GTF2IRD1: variants seen among roughly 807,000 people sequenced by gnomAD.
The protein encoded by GTF2IRD1 is general transcription factor II-I repeat domain-containing protein 1.
A neutral mutation model predicts 113.2 loss-of-function variants in GTF2IRD1; 26 were observed. The ratio of observed to expected loss-of-function variants is 0.23; its 90% confidence interval spans 0.17 to 0.32. The LOEUF is 0.32. Ranked by LOEUF, GTF2IRD1 falls within the 10% of genes least tolerant of loss-of-function variation. The probability of loss-of-function intolerance (pLI) is 1.00; values close to 1 mark genes in which losing one functional copy is unlikely to be tolerated. For synonymous variants in GTF2IRD1, 484 were observed against 529.1 expected (o/e 0.91, Z 1.17); for missense variants, 864 against 1,280.8 (o/e 0.67, Z 4.97).
intron 17 of GTF2IRD1, among the ~76,000 whole-genome samples, chr7:74,550,633 C>T (rs1421900713): frequency 5.9e-5 from 9 of 151,588 alleles, no homozygotes; most frequent in Non-Finnish European, 8.8e-5. Flanking sequence ...TCCGTCCAGG[C>T]GTGATGGCTC....
At chr7:74,514,702 C>A (rs1796824960) in intron 3 of GTF2IRD1, among the ~76,000 whole-genome samples, 1 of 151,900 alleles carries the variant, frequency 6.6e-6, no homozygotes, top group South Asian at 2.1e-4. Context: ...TGCCTCCCAA[C>A]CCTCTGCCGG....
At chr7:74,535,266 T>C (rs2130529844) in intron 10 of GTF2IRD1, 128 bp downstream of exon 10, 1 of 759,972 alleles carries the variant, frequency 1.3e-6, no homozygotes, top group East Asian at 2.5e-5. Context: ...GGCTGGGCTG[T>C]GGTTTCTGTG....
chr7:74,549,667 G>A (rs1799175552), intron 17 of GTF2IRD1, among the ~76,000 whole-genome samples: 2 of 152,220 alleles, frequency 1.3e-5, no homozygotes, highest in Non-Finnish European at 1.5e-5. Flanking sequence ...GCCAGGCATG[G>A]TGGCTCATGC....
At chr7:74,589,316 A>G (rs1801913312) in intron 22 of GTF2IRD1, among the ~76,000 whole-genome samples, 1 of 151,994 alleles carries the variant, frequency 6.6e-6, no homozygotes, top group Admixed American at 6.6e-5. Flanking sequence ...TCTATGATCC[A>G]CTGCTGCCTT....
Position 74,578,376 on chromosome 7 carries a change from C to A in GTF2IRD1, c.2321-11475C>A, listed in dbSNP as rs183991141. Among the ~76,000 whole-genome samples, 93 of 152,124 alleles carry A rather than the reference C, an allele frequency of 6.1e-4. 2 individuals are homozygous for A. The East Asian group carries it at 0.011, about 19-fold the overall frequency. On this transcript the variant is annotated intron_variant, in intron 22 of 26. Transcript: ENST00000424337. Reference sequence around the variant, plus strand: ...AATTTTTTGTAGAGACGGGGTTTCACTGTGTTAGCCAGGATGGTCTCCATC... The same window carrying A: ...AATTTTTTGTAGAGACGGGGTTTCAATGTGTTAGCCAGGATGGTCTCCATC...
At chr7:74,510,018 C>T (rs909342437) in intron 2 of GTF2IRD1, among the ~76,000 whole-genome samples, 9 of 152,032 alleles carry the variant, frequency 5.9e-5, no homozygotes, top group Non-Finnish European at 1.0e-4. Context: ...TACAAAGTCT[C>T]CCCGAAAAAT....
At chr7:74,510,050 TC>T (rs1410668790) in intron 2 of GTF2IRD1, among the ~76,000 whole-genome samples, 4 of 152,122 alleles carry the variant, frequency 2.6e-5, no homozygotes, top group Non-Finnish European at 5.9e-5. Context: ...TTCAAGCTGT[TC>T]CTGCTGTAGG....
chr7:74,598,640 CAG>C (rs1369076432), intron 25 of GTF2IRD1, among the ~76,000 whole-genome samples: 2 of 151,842 alleles, frequency 1.3e-5, no homozygotes, highest in African/African-American at 4.8e-5. Context: ...CAAAACATGG[CAG>C]AGACACAGAA....
intron 9 of GTF2IRD1, 51 bp from the exon 10 acceptor site, chr7:74,535,062 A>T: frequency 6.4e-7 from 1 of 1,552,594 alleles, no homozygotes; most frequent in African/African-American, 1.4e-5. Flanking sequence ...GAGCCCTGGG[A>T]GAGTCCTCCA....
rs782162912 is a variant in GTF2IRD1 at position 74,539,967 on chromosome 7, A to T, written c.1617A>T (p.Thr539=). The T allele has an allele frequency of 1.2e-5, 19 of 1,609,016 alleles. No homozygotes were observed. The highest frequency in any genetic ancestry group is 1.7e-6 in the Non-Finnish European group (2 of 1,175,816). Residue 539 remains threonine, a splice_region_variant and synonymous_variant, in exon 14 of 27, where the codon ACA becomes ACT. Coordinates refer to ENST00000424337, the MANE Select transcript of GTF2IRD1 (RefSeq NM_005685.4). The part of the protein sequence containing the change: ...EDSGYGMEML[T]DKGLSEDARP... ...CTGGTTATGGGATGGAGATGCTGAC[A>T]GGTAAGAAATGGACCTGGGCTGGTG... is the stretch of plus-strand genomic sequence containing the variant.
chr7:74,455,753 G>A (rs1792931269), intron 1 of GTF2IRD1, among the ~76,000 whole-genome samples: 1 of 152,126 alleles, frequency 6.6e-6, no homozygotes, highest in Non-Finnish European at 1.5e-5. Flanking sequence ...CTGGGGTGTG[G>A]GAGGCTCAAG....
intron 1 of GTF2IRD1, among the ~76,000 whole-genome samples, chr7:74,499,693 CATGA>C (rs1301572209): frequency 6.6e-6 from 1 of 151,120 alleles, no homozygotes; most frequent in Non-Finnish European, 1.5e-5. Context: ...TGAATGCACA[CATGA>C]ATGAATGCAT....
intron 1 of GTF2IRD1, among the ~76,000 whole-genome samples, chr7:74,479,390 C>T (rs1415911109): frequency 2.6e-5 from 4 of 151,408 alleles, no homozygotes; most frequent in Middle Eastern, 3.4e-3. Flanking sequence ...CGCTCAGGCC[C>T]GACCAGGACA....
At chr7:74,563,223 C>T (rs1474099947) in intron 22 of GTF2IRD1, among the ~76,000 whole-genome samples, 1 of 151,952 alleles carries the variant, frequency 6.6e-6, no homozygotes, top group Non-Finnish European at 1.5e-5. Context: ...ACTGTGGCAC[C>T]CAGCAGGGAA....
chr7:74,564,664 GA>G (rs2130820413), intron 22 of GTF2IRD1, among the ~76,000 whole-genome samples: 1 of 152,332 alleles, frequency 6.6e-6, no homozygotes, highest in Admixed American at 6.5e-5. Context: ...GCTGAGGCGG[GA>G]GGATCCCTCG....
At chr7:74,474,185 A>G (rs1354083309) in intron 1 of GTF2IRD1, among the ~76,000 whole-genome samples, 2 of 152,106 alleles carry the variant, frequency 1.3e-5, no homozygotes, top group East Asian at 3.9e-4. Flanking sequence ...GAGTTCAACC[A>G]CTGAGCCGAG....
chr7:74,476,378 C>CT (rs1794409030), intron 1 of GTF2IRD1, among the ~76,000 whole-genome samples: 1 of 89,286 alleles, frequency 1.1e-5, no homozygotes, highest in Admixed American at 1.4e-4. Context: ...TTTTTTTTTT[C>CT]TTTTGAGACG....
intron 6 of GTF2IRD1, among the ~76,000 whole-genome samples, chr7:74,520,877 AT>A (rs1797251333): frequency 6.9e-6 from 1 of 144,534 alleles, no homozygotes; most frequent in Non-Finnish European, 1.5e-5. Context: ...TATTATTATT[AT>A]TATTATTATA....
At chr7:74,466,230 G>A (rs1300676524) in intron 1 of GTF2IRD1, among the ~76,000 whole-genome samples, 1 of 152,152 alleles carries the variant, frequency 6.6e-6, no homozygotes, top group Non-Finnish European at 1.5e-5. Context: ...ACCTGTGGCT[G>A]CTTAGGGGAC....
Sources: gnomAD v4.1 joint callset for allele counts (sites outside exome capture counted in the v4.1 genomes callset) on GRCh38, gnomAD v4.1.1 for gene constraint, MANE v1.5 for transcripts, NCBI Gene and HGNC (gene_info 2026-07-23, HGNC 2026-07-21) for gene names.